MAP3K13: variants seen among roughly 807,000 people sequenced by gnomAD.
MAP3K13 encodes mitogen-activated protein kinase kinase kinase 13, also known as leucine zipper-bearing kinase.
Under a neutral mutation model 104.0 loss-of-function variants are expected in MAP3K13, and 52 were observed. That is an observed-to-expected ratio of 0.50 (90% CI 0.40 to 0.63). The LOEUF (loss-of-function observed/expected upper bound fraction) is 0.63. Ranked by LOEUF, MAP3K13 falls within the 20% of genes least tolerant of loss-of-function variation. MAP3K13 has a pLI of 0.00. For synonymous variants in MAP3K13, 394 were observed against 442.2 expected (o/e 0.89, Z 1.37); for missense variants, 914 against 1,218.5 (o/e 0.75, Z 3.72).
chr3:185,351,515 G>T (rs1723138914), intron 2 of MAP3K13, among the ~76,000 whole-genome samples: 3 of 152,270 alleles, frequency 2.0e-5, no homozygotes, highest in Admixed American at 6.5e-5. Flanking sequence ...GTCATGCAAA[G>T]AAGATCCCAG....
intron 1 of MAP3K13, among the ~76,000 whole-genome samples, chr3:185,390,621 A>ATTTTTTTTTT (rs750832762): frequency 6.5e-5 from 8 of 123,682 alleles, no homozygotes; most frequent in African/African-American, 2.6e-4. Flanking sequence ...TACAGTCAGA[A>ATTTTTTTTTT]TTTTTTTTTT....
intron 1 of MAP3K13, chr3:185,417,406 TTTTC>T: frequency 2.3e-6 from 3 of 1,287,056 alleles, no homozygotes; most frequent in Non-Finnish European, 3.2e-6. Flanking sequence ...TCTTTTCTTT[TTTTC>T]CTCACTGCCT....
In MAP3K13 at chr3:185,455,363, GAT is replaced by G. The variant is rs1396312328; in HGVS notation, c.1278+3975_1278+3976del. Among the ~76,000 whole-genome samples the G allele has an allele frequency of 1.5e-4, 8 of 51,882 alleles. No individual in the cohort carries two copies. In the South Asian group the frequency reaches 1.8e-3, roughly 12 times the overall value. 34.0% of individuals were successfully genotyped at this position (51,882 alleles called of 152,430 possible). ...TGAGATATATATGATATATATATGA[GAT>G]ATATATGATATATATGATATATATA... On this transcript the variant is annotated intron_variant, in intron 7 of 13. Transcript: ENST00000265026.
chr3:185,374,342 C>T (rs549608333), intron 1 of MAP3K13, among the ~76,000 whole-genome samples: 1 of 152,076 alleles, frequency 6.6e-6, no homozygotes, highest in African/African-American at 2.4e-5. Flanking sequence ...GGCGATGTTT[C>T]TCAGTGCTGC....
intron 1 of MAP3K13, among the ~76,000 whole-genome samples, chr3:185,372,161 A>G (rs1163799045): frequency 1.3e-5 from 2 of 152,266 alleles, no homozygotes; most frequent in African/African-American, 4.8e-5. Context: ...GGATATTTCC[A>G]GCCACTGCTT....
chr3:185,357,411 G>GCA (rs1723407537), intron 2 of MAP3K13, among the ~76,000 whole-genome samples: 1 of 133,330 alleles, frequency 7.5e-6, no homozygotes, highest in African/African-American at 2.8e-5. Flanking sequence ...TCGCGCCATT[G>GCA]CACTCCAGCC....
chr3:185,336,735 A>G (rs1381678553), intron 2 of MAP3K13, among the ~76,000 whole-genome samples: 1 of 151,398 alleles, frequency 6.6e-6, no homozygotes, highest in Admixed American at 6.6e-5. Flanking sequence ...AAAAGGCTTT[A>G]ACTTTAGATC....
rs867420104 is a variant in MAP3K13, at chr3:185,455,257, G to T, written c.1278+3862G>T. Among the ~76,000 whole-genome samples the T allele has an allele frequency of 6.9e-3, 127 of 18,386 alleles. 3 individuals carry two copies. Among genetic ancestry groups the T allele is most frequent in the East Asian group, 0.031 (20 of 654 alleles). 12.1% of individuals were successfully genotyped at this position (18,386 alleles called of 152,430 possible). A position where few individuals can be genotyped will look rare whatever the true frequency, so the allele number is the denominator to read the frequency against. ...TGAGATATATATATGATATATATGA[G>T]ATATATGAGATATATATGAGATATA... On this transcript the variant is annotated intron_variant, in intron 7 of 13. Transcript: ENST00000265026.
At chr3:185,457,373 C>T (rs1342242385) in intron 7 of MAP3K13, among the ~76,000 whole-genome samples, 2 of 152,184 alleles carry the variant, frequency 1.3e-5, no homozygotes, top group Non-Finnish European at 2.9e-5. Flanking sequence ...GGCTTAGAAA[C>T]AGCAGAAGTT....
At chr3:185,421,323 G>A (rs975960447) in intron 1 of MAP3K13, among the ~76,000 whole-genome samples, 4 of 151,550 alleles carry the variant, frequency 2.6e-5, no homozygotes, top group Non-Finnish European at 4.4e-5. Flanking sequence ...TCAGCCTCCC[G>A]AGTAGCTGGA....
At chr3:185,305,216 C>G (rs149468191) in intron 2 of MAP3K13, among the ~76,000 whole-genome samples, 2 of 152,120 alleles carry the variant, frequency 1.3e-5, no homozygotes, top group African/African-American at 2.4e-5. Flanking sequence ...CCTTTTTGTT[C>G]TGTTGACTTT....
rs73885721 is a variant in MAP3K13, at chr3:185,487,583, T to A, written c.*5127T>A. ...TTTCTTCAATGTCCTCATGTCTCAA[T>A]TTTTTTTTCCTTTTCTTAAAACAGT... On this transcript the variant is annotated 3_prime_UTR_variant, in exon 14 of 14. Transcript: ENST00000265026. 6.6e-6 allele frequency: 1 copy of A among 151,134 alleles called. No homozygotes were observed. The highest frequency in any genetic ancestry group is 1.5e-5 in the Non-Finnish European group (1 of 67,568). The allele number at this position is 151,134 out of a possible 1,614,324, so 9.4% of individuals were successfully genotyped here. A position where few individuals can be genotyped will look rare whatever the true frequency, so the allele number is the denominator to read the frequency against.
intron 2 of MAP3K13, among the ~76,000 whole-genome samples, chr3:185,357,035 G>A (rs761749684): frequency 2.6e-4 from 39 of 152,152 alleles, no homozygotes; most frequent in Admixed American, 1.0e-3. Context: ...GCCAACTTGT[G>A]TCTAGCTAAA....
At chr3:185,440,652 A>G (rs1363543646) in intron 3 of MAP3K13, among the ~76,000 whole-genome samples, 1 of 152,192 alleles carries the variant, frequency 6.6e-6, no homozygotes, top group Non-Finnish European at 1.5e-5. Flanking sequence ...AGGGCAGGGG[A>G]AAATGAAGAC....
chr3:185,344,836 T>C (rs969863534), intron 2 of MAP3K13, among the ~76,000 whole-genome samples: 11 of 152,146 alleles, frequency 7.2e-5, no homozygotes, highest in Admixed American at 1.3e-4. Context: ...CCTTCTATAA[T>C]GTTATTGGAA....
At chr3:185,290,825 A>C (rs1232031404) in intron 2 of MAP3K13, among the ~76,000 whole-genome samples, 1 of 152,188 alleles carries the variant, frequency 6.6e-6, no homozygotes, top group Admixed American at 6.5e-5. Context: ...TATTATTATT[A>C]GTTTTTAGGC....
At chr3:185,359,515 T>G (rs189355606), upstream of MAP3K13, among the ~76,000 whole-genome samples, 18 of 152,224 alleles carry the variant, frequency 1.2e-4, no homozygotes, top group African/African-American at 4.3e-4. Flanking sequence ...GTTGAGAGAG[T>G]AGCAGGGTCT....
At chr3:185,444,365 A>G (rs9855831) in intron 4 of MAP3K13, among the ~76,000 whole-genome samples, 90,470 of 151,642 alleles carry the variant, frequency 0.6, 28,178 homozygotes, top group Middle Eastern at 0.72. Flanking sequence ...TAAATAAATA[A>G]TAAAAATAAA....
Position 185,454,727 on chromosome 3 carries a change from T to TATATATGATATATATATCATATATATG in MAP3K13, c.1278+3334_1278+3360dup, listed in dbSNP as rs1560117397. Among the ~76,000 whole-genome samples the TATATATGATATATATATCATATATATG allele has an allele frequency of 4.9e-3, 176 of 35,558 alleles. 24 individuals are homozygous for TATATATGATATATATATCATATATATG. Among genetic ancestry groups the TATATATGATATATATATCATATATATG allele is most frequent in the African/African-American group, 0.012 (170 of 14,706 alleles). The allele number at this position is 35,558 out of a possible 152,430, so 23.3% of individuals were successfully genotyped here. ...TATATCATATATGAGATATATATGA[T>TATATATGATATATATATCATATATATG]ATATATGATATATATATCATATATA... On this transcript the variant is annotated intron_variant, in intron 7 of 13. Coordinates refer to ENST00000265026, the MANE Select transcript of MAP3K13 (RefSeq NM_004721.5).
Sources: gnomAD v4.1 joint callset for allele counts (sites outside exome capture counted in the v4.1 genomes callset) on GRCh38, gnomAD v4.1.1 for gene constraint, MANE v1.5 for transcripts, NCBI Gene and HGNC (gene_info 2026-07-23, HGNC 2026-07-21) for gene names.